Variants in ALG14 observed in about 807,000 individuals in gnomAD.
ALG14 encodes the protein UDP-N-acetylglucosamine transferase subunit ALG14.
ALG14 carries 17 observed loss-of-function variants against 22.8 expected under a neutral mutation model. The ratio of observed to expected loss-of-function variants is 0.75; its 90% CI spans 0.51 to 1.12. ALG14 has a LOEUF of 1.12. ALG14 is among the 50% of genes most tolerant of loss of function. The probability of loss-of-function intolerance (pLI) is 0.00; values close to 1 mark genes in which losing one functional copy is unlikely to be tolerated. For missense variants in ALG14, 288 were observed against 271.8 expected (o/e 1.06, Z -0.42); for synonymous variants, 89 against 103.7 (o/e 0.86, Z 0.86).
intron 2 of ALG14, chr1:95,061,669 C>A (rs1571674212): frequency 6.6e-6 from 1 of 152,234 alleles, no homozygotes; most frequent in Admixed American, 6.5e-5. Context: ...TCTTCCTGTA[C>A]ATTATCTTCA....
At chr1:95,028,400 T>A (rs1166322736) in intron 2 of ALG14, among the ~76,000 whole-genome samples, 1 of 152,202 alleles carries the variant, frequency 6.6e-6, no homozygotes, top group African/African-American at 2.4e-5. Flanking sequence ...GTTCTCGCCA[T>A]GTTGCCCAGT....
intron 3 of ALG14, among the ~76,000 whole-genome samples, chr1:94,987,736 C>T (rs977948233): frequency 2.6e-5 from 4 of 152,146 alleles, no homozygotes; most frequent in African/African-American, 9.7e-5. Context: ...AATTTGACTC[C>T]TGATCCAGTA....
At chr1:95,071,481 T>TGC (rs1253019989) in intron 1 of ALG14, among the ~76,000 whole-genome samples, 1 of 152,078 alleles carries the variant, frequency 6.6e-6, no homozygotes, top group Admixed American at 6.6e-5. Flanking sequence ...GAGGTGGAGT[T>TGC]GCAGTGAGCT....
At chr1:95,042,932 T>G (rs182726379) in intron 2 of ALG14, among the ~76,000 whole-genome samples, 63 of 152,340 alleles carry the variant, frequency 4.1e-4, no homozygotes, top group African/African-American at 1.4e-3. Flanking sequence ...TTTTCTTGCC[T>G]TTCTCTACTG....
At position 95,064,943 on chromosome 1, in the gene ALG14, C is replaced by T; in HGVS notation, c.211G>A (p.Ala71Thr). The change falls in exon 2 of 4, where the codon GCT becomes ACT. Residue 71 changes from alanine to threonine, a missense_variant. By Grantham distance (58) the Ala-to-Thr change is moderately conservative. Coordinates refer to ENST00000370205, the MANE Select transcript of ALG14 (RefSeq NM_144988.4). ...TTGGCACTCATTTCATCAGTGTCAG[C>T]AATGACATAATGTCTAGGTGAGTAG... ...NAYSPRHYVI[A>T]DTDEMSANKI... is the part of the protein sequence containing the mutation. 6.2e-7 allele frequency: 1 copy of T among 1,613,884 alleles called. No homozygotes were observed. Among genetic ancestry groups the T allele is most frequent in the Non-Finnish European group, 8.5e-7 (1 of 1,179,858 alleles).
In ALG14 at chr1:94,975,419, A is replaced by G. The variant is rs1557933150; in HGVS notation, c.*7657T>C. 1 of 152,164 alleles carries G rather than the reference A, an allele frequency of 6.6e-6. No homozygotes were observed. The highest frequency in any genetic ancestry group is 2.4e-5 in the African/African-American group (1 of 41,418). 9.4% of individuals were successfully genotyped at this position (152,164 alleles called of 1,614,324 possible). On this transcript the variant is annotated 3_prime_UTR_variant, in exon 4 of 4. Coordinates refer to ENST00000370205, the MANE Select transcript of ALG14 (RefSeq NM_144988.4). ...TTAGTAGAGCATTTGGGTTGTTTCT[A>G]CTTTCGGGTTATTATGAATAACGCT...
rs775600527 is a variant in ALG14, at chr1:94,983,041, A to T, written c.*35T>A. On this transcript the variant is annotated 3_prime_UTR_variant, in exon 4 of 4. Coordinates refer to ENST00000370205, the MANE Select transcript of ALG14 (RefSeq NM_144988.4). Reference sequence around the variant, plus strand: ...CCCAATTTGAGTACATACTACTGTTAACTGCAAAATTCTAAAGAAGTCAGT... The same window carrying T: ...CCCAATTTGAGTACATACTACTGTTTACTGCAAAATTCTAAAGAAGTCAGT... The T allele has an allele frequency of 6.3e-7, 1 of 1,592,278 alleles. No homozygotes were observed. Among genetic ancestry groups the T allele is most frequent in the South Asian group, 1.1e-5 (1 of 90,562 alleles).
At chr1:95,061,378 T>C (rs1419305943) in intron 2 of ALG14, among the ~76,000 whole-genome samples, 1 of 152,202 alleles carries the variant, frequency 6.6e-6, no homozygotes, top group East Asian at 1.9e-4. Flanking sequence ...AGCAGATTTA[T>C]ATACCAATCT....
intron 1 of ALG14, among the ~76,000 whole-genome samples, chr1:95,070,409 G>C (rs1274570649): frequency 6.6e-6 from 1 of 152,186 alleles, no homozygotes; most frequent in African/African-American, 2.4e-5. Context: ...TGAAACTTCA[G>C]AGGGCAAAAG....
At position 94,982,385 on chromosome 1, in the gene ALG14, C is replaced by T. The variant is rs1288370540; in HGVS notation, c.*691G>A. 6.6e-6 allele frequency: 1 copy of T among 152,132 alleles called. No individual in the cohort carries two copies. The highest frequency in any genetic ancestry group is 1.5e-5 in the Non-Finnish European group (1 of 68,096). 9.4% of individuals were successfully genotyped at this position (152,132 alleles called of 1,614,324 possible). A position where few individuals can be genotyped will look rare whatever the true frequency, so the allele number is the denominator to read the frequency against. ...CAGTGATCCACCCGCCTTAGCCTCC[C>T]AAGGTGCTGGGATTACAGGTGTGAG... On this transcript the variant is annotated 3_prime_UTR_variant, in exon 4 of 4. Coordinates refer to ENST00000370205, the MANE Select transcript of ALG14 (RefSeq NM_144988.4).
chr1:94,989,069 T>G (rs1035470173), intron 3 of ALG14, among the ~76,000 whole-genome samples: 12 of 152,352 alleles, frequency 7.9e-5, no homozygotes, highest in African/African-American at 2.9e-4. Flanking sequence ...TGCATATATT[T>G]AATCCTATGG....
intron 2 of ALG14, among the ~76,000 whole-genome samples, chr1:95,059,105 G>A (rs916957549): frequency 6.6e-6 from 1 of 151,822 alleles, no homozygotes; most frequent in Non-Finnish European, 1.5e-5. Flanking sequence ...CCTTATTAAA[G>A]AGATTATTCT....
At chr1:95,022,498 T>A (rs1023170166) in intron 3 of ALG14, 1 of 374,178 alleles carries the variant, frequency 2.7e-6, no homozygotes, top group Non-Finnish European at 3.7e-6. Context: ...GGCCAGTCCT[T>A]CTGTATCTTT....
chr1:95,005,226 GC>G (rs1255662284), intron 3 of ALG14, among the ~76,000 whole-genome samples: 2 of 152,212 alleles, frequency 1.3e-5, no homozygotes, highest in Non-Finnish European at 2.9e-5. Flanking sequence ...ATAAGGAACT[GC>G]ATGTACCAAA....
chr1:95,046,898 G>C (rs1342728869), intron 2 of ALG14, among the ~76,000 whole-genome samples: 1 of 151,990 alleles, frequency 6.6e-6, no homozygotes, highest in Non-Finnish European at 1.5e-5. Context: ...AGAAGTTCGA[G>C]ACCAGCCTGG....
Position 94,977,297 on chromosome 1 carries a change from T to G in ALG14, c.*5779A>C, listed in dbSNP as rs1672415949. ...GAGTTTGAGACCAGTCTGGACAACA[T>G]AGTGAAACCCTGCCTCTTATTTTAA... is the stretch of plus-strand genomic sequence containing the variant. On this transcript the variant is annotated 3_prime_UTR_variant, in exon 4 of 4. Transcript: ENST00000370205. 6.6e-6 allele frequency: 1 copy of G among 152,222 alleles called. No homozygotes were observed. Among genetic ancestry groups the G allele is most frequent in the Admixed American group, 6.5e-5 (1 of 15,300 alleles). The allele number at this position is 152,222 out of a possible 1,614,324, so 9.4% of individuals were successfully genotyped here. A position where few individuals can be genotyped will look rare whatever the true frequency, so the allele number is the denominator to read the frequency against.
At chr1:94,989,981 T>C (rs1672733747) in intron 3 of ALG14, among the ~76,000 whole-genome samples, 1 of 152,090 alleles carries the variant, frequency 6.6e-6, no homozygotes, top group Admixed American at 6.6e-5. Flanking sequence ...ACCATGGGCA[T>C]AGGAGTCAGA....
chr1:95,040,327 A>G (rs779576546), intron 2 of ALG14, among the ~76,000 whole-genome samples: 3 of 152,152 alleles, frequency 2.0e-5, no homozygotes, highest in Admixed American at 1.3e-4. Flanking sequence ...TCCCTTACTC[A>G]TATGTTGCTT....
At chr1:95,056,008 C>CA (rs71588538) in intron 2 of ALG14, among the ~76,000 whole-genome samples, 22,625 of 106,708 alleles carry the variant, frequency 0.21, 2,026 homozygotes, top group African/African-American at 0.25. Context: ...GACTCTGTCT[C>CA]AAAAAAAAAA....
Sources: allele counts gnomAD v4.1 joint callset (sites outside exome capture counted in the v4.1 genomes callset), GRCh38; gene constraint gnomAD v4.1.1; transcripts MANE v1.5; gene names NCBI Gene and HGNC (gene_info 2026-07-23, HGNC 2026-07-21).